The following DYNC2LI1 variants were observed in gnomAD, a reference collection of about 807,000 sequenced individuals.
DYNC2LI1 encodes cytoplasmic dynein 2 light intermediate chain 1.
DYNC2LI1 carries 45 observed loss-of-function variants against 51.9 expected under a neutral mutation model. The observed-to-expected ratio is 0.87, with a 90% CI of 0.68 to 1.11. The LOEUF (loss-of-function observed/expected upper bound fraction) is 1.11. Ranked by LOEUF, DYNC2LI1 falls within the 50% of genes most tolerant of loss-of-function variation. DYNC2LI1 has a pLI of 0.00. For synonymous variants in DYNC2LI1, 130 were observed against 137.8 expected, an observed-to-expected ratio of 0.94 and a Z score of 0.40; for missense variants, 490 against 417.4, an observed-to-expected ratio of 1.17 and a Z score of -1.51.
At chr2:43,823,357 C>T in the DYNC2LI1 span, among the ~76,000 whole-genome samples, 1 of 140,088 alleles carries the variant, frequency 7.1e-6, no homozygotes, top group Non-Finnish European at 1.5e-5. Context: ...GATGCAGACA[C>T]TTAGCATTGC....
At chr2:43,786,839 C>T (rs1006428124) in intron 3 of DYNC2LI1, among the ~76,000 whole-genome samples, 7 of 151,770 alleles carry the variant, frequency 4.6e-5, no homozygotes, top group African/African-American at 1.7e-4. Context: ...AAAACAAAAA[C>T]AAAACAAAAA....
chr2:43,783,228 G>C (rs1673376453), intron 2 of DYNC2LI1, among the ~76,000 whole-genome samples: 1 of 152,134 alleles, frequency 6.6e-6, no homozygotes, highest in Admixed American at 6.5e-5. Flanking sequence ...AAAAATTTAA[G>C]ACAGCTGCCA....
chr2:43,808,207 A>T (rs1017243664), intron 12 of DYNC2LI1, among the ~76,000 whole-genome samples: 13 of 152,108 alleles, frequency 8.5e-5, no homozygotes, highest in Non-Finnish European at 1.5e-4. Flanking sequence ...AGCTGTAAAG[A>T]CTACATATGA....
Position 43,774,161 on chromosome 2 carries a change from C to G in DYNC2LI1, c.8+15C>G, listed in dbSNP as rs113218674. 2,726 of 1,613,840 alleles carry G rather than the reference C, an allele frequency of 1.7e-3. 44 individuals are homozygous for G. The highest frequency in any genetic ancestry group is 0.017 in the South Asian group (1,512 of 90,950). ...ACGATGCCCAGGTATTCCCTGAACC[C>G]GGCTTGCGTGGGAAAGGCTACTGAG... On this transcript the variant is annotated intron_variant, in intron 1 of 12. Coordinates refer to ENST00000260605, the MANE Select transcript of DYNC2LI1 (RefSeq NM_016008.4).
At chr2:43,774,250 T>G in intron 1 of DYNC2LI1, 104 bp downstream of exon 1, 1 of 1,490,112 alleles carries the variant, frequency 6.7e-7, no homozygotes, top group Non-Finnish European at 9.2e-7. Context: ...GGGTGGCTAC[T>G]TGCCACCAGG....
At chr2:43,774,810 T>G (rs1220593395) in intron 1 of DYNC2LI1, among the ~76,000 whole-genome samples, 1 of 152,216 alleles carries the variant, frequency 6.6e-6, no homozygotes. Context: ...GCTATGGTTA[T>G]ACTTCCCGAT....
chr2:43,786,396 A>T (rs1310667245), intron 3 of DYNC2LI1, among the ~76,000 whole-genome samples: 1 of 151,966 alleles, frequency 6.6e-6, no homozygotes, highest in East Asian at 1.9e-4. Flanking sequence ...TGCCCAGGCC[A>T]GTCTTAAACT....
intron 11 of DYNC2LI1, 53 bp from the exon 12 acceptor site, chr2:43,805,101 C>T (rs1666202800): frequency 2.7e-6 from 3 of 1,118,884 alleles, no homozygotes; most frequent in Non-Finnish European, 1.3e-6. Context: ...CAGATGGTAG[C>T]CATTGAATTT....
intron 1 of DYNC2LI1, among the ~76,000 whole-genome samples, chr2:43,774,568 G>C (rs1227113407): frequency 6.6e-6 from 1 of 152,166 alleles, no homozygotes; most frequent in Non-Finnish European, 1.5e-5. Flanking sequence ...CTTTTAAGGG[G>C]GGAAACGGGA....
chr2:43,819,853 T>G, the DYNC2LI1 span: 1 of 1,557,662 alleles, frequency 6.4e-7, no homozygotes. Context: ...CTTCAGTCAT[T>G]ATTAGGTGAT....
chr2:43,778,319 AT>A (rs1673116922), intron 2 of DYNC2LI1, among the ~76,000 whole-genome samples: 1 of 151,708 alleles, frequency 6.6e-6, no homozygotes. Flanking sequence ...CACCCGGCTA[AT>A]TTTTTGTATT....
chr2:43,791,107 G>A (rs995194266), intron 5 of DYNC2LI1, among the ~76,000 whole-genome samples: 1 of 152,194 alleles, frequency 6.6e-6, no homozygotes, highest in African/African-American at 2.4e-5. Flanking sequence ...TGTAGTACCA[G>A]CTACACAGGT....
chr2:43,822,761 G>A, the DYNC2LI1 span: 1 of 1,613,822 alleles, frequency 6.2e-7, no homozygotes, highest in Non-Finnish European at 8.5e-7. Flanking sequence ...TGACTCCATG[G>A]GAGCCCGGCC....
the DYNC2LI1 span, among the ~76,000 whole-genome samples, chr2:43,827,732 A>G: frequency 3.3e-5 from 5 of 152,196 alleles, no homozygotes; most frequent in African/African-American, 1.2e-4. Flanking sequence ...GGAAAACCCC[A>G]ATGGAACACT....
the DYNC2LI1 span, chr2:43,824,447 C>T: frequency 6.2e-7 from 1 of 1,612,836 alleles, no homozygotes; most frequent in East Asian, 2.2e-5. Context: ...AAGTTTTTCC[C>T]AAAAGATGTC....
the DYNC2LI1 span, among the ~76,000 whole-genome samples, chr2:43,825,507 A>T: frequency 6.6e-6 from 1 of 152,312 alleles, no homozygotes; most frequent in Non-Finnish European, 1.5e-5. Flanking sequence ...TCGTGGAAAA[A>T]CACAGCCTTT....
chr2:43,785,263 C>A (rs557353938), intron 3 of DYNC2LI1, among the ~76,000 whole-genome samples: 12 of 152,224 alleles, frequency 7.9e-5, no homozygotes, highest in Admixed American at 2.0e-4. Flanking sequence ...CGCGCCACTG[C>A]ATTCTAGCCT....
downstream of DYNC2LI1, chr2:43,812,931 A>G (rs1306344083): frequency 2.3e-5 from 14 of 605,194 alleles, no homozygotes; most frequent in Non-Finnish European, 3.5e-5. Context: ...AGAGCAAGGG[A>G]CTATAAACCA....
chr2:43,792,263 A>T lies in DYNC2LI1; in HGVS notation c.321-2194A>T, dbSNP rs149657111. ...TAATGTGTAAAAGACTACTTTCTGA[A>T]TTTAGACCAACAGAATTGTTACTGT... On this transcript the variant is annotated intron_variant, in intron 5 of 12. Transcript: ENST00000260605. Among the ~76,000 whole-genome samples the T allele has an allele frequency of 4.6e-3, 701 of 152,252 alleles. 6 individuals carry two copies. Among genetic ancestry groups the T allele is most frequent in the African/African-American group, 0.016 (675 of 41,550 alleles).
Sources: gnomAD v4.1 joint callset for allele counts (sites outside exome capture counted in the v4.1 genomes callset) on GRCh38, gnomAD v4.1.1 for gene constraint, MANE v1.5 for transcripts, NCBI Gene and HGNC (gene_info 2026-07-23, HGNC 2026-07-21) for gene names.